SLC11A2: variants seen among roughly 807,000 people sequenced by gnomAD.
SLC11A2 encodes solute carrier family 11 member 2, also known as natural resistance-associated macrophage protein 2.
Under a neutral mutation model 68.0 loss-of-function variants are expected in SLC11A2, and 38 were observed. The ratio of observed to expected loss-of-function variants is 0.56; its 90% CI spans 0.43 to 0.73. The LOEUF is 0.73. SLC11A2 is among the 30% of genes least tolerant of loss of function. The probability of loss-of-function intolerance (pLI) is 0.00; values close to 1 mark genes in which losing one functional copy is unlikely to be tolerated. For missense variants in SLC11A2, 517 were observed against 690.5 expected, an observed-to-expected ratio of 0.75 and a Z score of 2.82; for synonymous variants, 242 against 250.6, an observed-to-expected ratio of 0.97 and a Z score of 0.32.
intron 1 of SLC11A2, among the ~76,000 whole-genome samples, chr12:51,025,477 G>A (rs224574): frequency 0.91 from 138,534 of 152,252 alleles, 63,313 homozygotes; most frequent in East Asian, 0.98. Flanking sequence ...CCAGAAGTCA[G>A]TGTAAACATA....
intron 1 of SLC11A2, chr12:51,024,279 G>A (rs950488071): frequency 1.1e-4 from 16 of 152,256 alleles, no homozygotes; most frequent in African/African-American, 3.9e-4. Context: ...AGGAAGGGCA[G>A]ATATCTGTCA....
chr12:51,005,213 T>G, intron 4 of SLC11A2, 98 bp downstream of exon 4: 2 of 1,280,058 alleles, frequency 1.6e-6, no homozygotes, highest in South Asian at 1.2e-5. Context: ...AGTATCTGCA[T>G]GTAGCCCCTG....
chr12:51,003,582 A>AATAT (rs57716840), intron 5 of SLC11A2, among the ~76,000 whole-genome samples: 113 of 148,334 alleles, frequency 7.6e-4, no homozygotes, highest in African/African-American at 2.6e-3. Context: ...CAAACAAACA[A>AATAT]ATATATATAT....
At chr12:51,005,204 G>A in intron 4 of SLC11A2, 107 bp downstream of exon 4, 2 of 1,198,442 alleles carry the variant, frequency 1.7e-6, no homozygotes, top group South Asian at 2.4e-5. Context: ...TGCCAATGAA[G>A]TATCTGCATG....
downstream of SLC11A2, chr12:50,979,538 T>C (rs187245415): frequency 4.8e-6 from 1 of 206,898 alleles, no homozygotes; most frequent in East Asian, 1.2e-4. Context: ...TCTAGAGTTG[T>C]TGTCCTGTAT....
At chr12:50,989,413 C>T (rs985862644) in intron 15 of SLC11A2, among the ~76,000 whole-genome samples, 1 of 152,146 alleles carries the variant, frequency 6.6e-6, no homozygotes, top group African/African-American at 2.4e-5. Context: ...ATCACTTGAA[C>T]CCAGGAGGCA....
the SLC11A2 span, among the ~76,000 whole-genome samples, chr12:50,973,048 A>G: frequency 6.6e-6 from 1 of 152,196 alleles, no homozygotes; most frequent in Non-Finnish European, 1.5e-5. Flanking sequence ...CTGCCTCTGT[A>G]GACTCCACCT....
At chr12:50,985,830 A>C (rs1466634725), downstream of SLC11A2, among the ~76,000 whole-genome samples, 1 of 152,184 alleles carries the variant, frequency 6.6e-6, no homozygotes, top group African/African-American at 2.4e-5. Flanking sequence ...TGAGGACTAA[A>C]TCCATTTATT....
chr12:51,000,604 A>G, intron 5 of SLC11A2, 185 bp from the exon 6 acceptor site: 1 of 623,140 alleles, frequency 1.6e-6, no homozygotes, highest in Non-Finnish European at 2.9e-6. Flanking sequence ...TCACCTGGAG[A>G]AGGAAAAGTG....
At chr12:50,984,800 T>G (rs914037844), downstream of SLC11A2, among the ~76,000 whole-genome samples, 3 of 152,218 alleles carry the variant, frequency 2.0e-5, no homozygotes, top group Non-Finnish European at 4.4e-5. Context: ...TTCTGCCTAA[T>G]GCATATTCTA....
At chr12:50,999,480 T>C in intron 6 of SLC11A2, 65 bp from the exon 7 acceptor site, 3 of 1,284,998 alleles carry the variant, frequency 2.3e-6, no homozygotes, top group South Asian at 2.4e-5. Flanking sequence ...AAAAACACTC[T>C]CTTCCCAACA....
At chr12:51,008,279 C>CAGAG in intron 3 of SLC11A2, 197 bp downstream of exon 3, 1 of 517,858 alleles carries the variant, frequency 1.9e-6, no homozygotes, top group South Asian at 2.2e-5. Flanking sequence ...GACAGACAGA[C>CAGAG]AGAGATAGAT....
chr12:50,996,934 C>G lies in SLC11A2; in HGVS notation c.714G>C (p.Lys238Asn). The change falls in exon 9 of 16, where the codon AAG (lysine) becomes AAC (asparagine). Residue 238 changes from lysine (K) to asparagine (N), a missense_variant. Transcript: ENST00000262052. ...TVKPSQSQVLKGMFVPSCSGC... is the reference protein window; with the variant it reads ...TVKPSQSQVLNGMFVPSCSGC... ...CTGAACAGGATGGTACGAACATGCC[C>G]TTGAGTACCTGGCTCTGGCTGGGTT... 1 of 1,614,076 alleles carries G rather than the reference C, an allele frequency of 6.2e-7. No individual in the cohort carries two copies. The highest frequency in any genetic ancestry group is 1.1e-5 in the South Asian group (1 of 91,076).
At chr12:51,010,633 C>A (rs550274170) in intron 2 of SLC11A2, 62 bp downstream of exon 2, 1 of 923,302 alleles carries the variant, frequency 1.1e-6, no homozygotes, top group South Asian at 1.3e-5. Flanking sequence ...TGATAAATTT[C>A]TGTTACCAAC....
At position 50,988,251 on chromosome 12, in the gene SLC11A2, G is replaced by A; in HGVS notation, c.*74C>T. ...GTCTGTGCAACGGCACATACTTTTG[G>A]CTATGTTCACACAGTAAACCATAGA... is the stretch of plus-strand genomic sequence containing the variant. On this transcript the variant is annotated 3_prime_UTR_variant, in exon 16 of 16. Transcript: ENST00000262052. The A allele has an allele frequency of 6.2e-7, 1 of 1,609,002 alleles. No individual in the cohort carries two copies. Among genetic ancestry groups the A allele is most frequent in the Non-Finnish European group, 8.5e-7 (1 of 1,177,700 alleles).
the SLC11A2 span, among the ~76,000 whole-genome samples, chr12:50,970,278 T>C: frequency 2.6e-5 from 4 of 152,234 alleles, no homozygotes; most frequent in Non-Finnish European, 5.9e-5. Context: ...TTTGTTTTTT[T>C]CTAGAGTCAC....
downstream of SLC11A2, chr12:50,980,789 GA>G (rs1354300367): frequency 6.6e-6 from 1 of 152,194 alleles, no homozygotes; most frequent in Non-Finnish European, 1.5e-5. Context: ...GGAATAGTGG[GA>G]AGAAAATACA....
chr12:51,019,533 A>G (rs1050820724), intron 1 of SLC11A2, among the ~76,000 whole-genome samples: 1 of 152,176 alleles, frequency 6.6e-6, no homozygotes, highest in Non-Finnish European at 1.5e-5. Flanking sequence ...TTTAATGAGG[A>G]AGGTTATTAA....
At chr12:50,999,662 T>C in intron 6 of SLC11A2, 1 of 524,082 alleles carries the variant, frequency 1.9e-6, no homozygotes, top group Non-Finnish European at 3.4e-6. Flanking sequence ...AGTTTGGGTC[T>C]TACCCTCATG....
Sources: gnomAD v4.1 joint callset for allele counts (sites outside exome capture counted in the v4.1 genomes callset) on GRCh38, gnomAD v4.1.1 for gene constraint, MANE v1.5 for transcripts, NCBI Gene and HGNC (gene_info 2026-07-23, HGNC 2026-07-21) for gene names.